The following CNTNAP5 variants were observed in gnomAD, a reference collection of about 807,000 sequenced individuals.
CNTNAP5 encodes the protein contactin associated protein family member 5.
In CNTNAP5, 72 loss-of-function variants were observed where a neutral mutation model predicts 150.2. That is an observed-to-expected ratio of 0.48 (90% CI 0.40 to 0.58). The LOEUF (loss-of-function observed/expected upper bound fraction) is 0.58. Among genes scored for constraint, CNTNAP5 ranks in the 20% least tolerant of loss-of-function variants. The pLI, the probability that CNTNAP5 is intolerant of heterozygous loss-of-function variation, is 0.00. For missense variants in CNTNAP5, 1,636 were observed against 1,626.2 expected, an observed-to-expected ratio of 1.01 and a Z score of -0.10; for synonymous variants, 672 against 619.8, an observed-to-expected ratio of 1.08 and a Z score of -1.25.
chr2:124,724,463 C>A (rs1680114870), intron 13 of CNTNAP5, among the ~76,000 whole-genome samples: 1 of 152,034 alleles, frequency 6.6e-6, no homozygotes, highest in African/African-American at 2.4e-5. Flanking sequence ...CAAGTCAGCC[C>A]ATAGAAGATA....
intron 1 of CNTNAP5, among the ~76,000 whole-genome samples, chr2:124,034,865 G>A (rs1225010785): frequency 6.6e-6 from 1 of 152,164 alleles, no homozygotes; most frequent in Non-Finnish European, 1.5e-5. Context: ...TTACCCTCCT[G>A]TGTACTACTG....
chr2:124,876,657 A>G (rs1050820749), intron 21 of CNTNAP5, among the ~76,000 whole-genome samples: 1 of 152,014 alleles, frequency 6.6e-6, no homozygotes, highest in Admixed American at 6.6e-5. Flanking sequence ...TGACTCCTCT[A>G]AAAGATTATT....
chr2:124,264,263 C>A (rs1257046901), intron 3 of CNTNAP5, among the ~76,000 whole-genome samples: 1 of 151,936 alleles, frequency 6.6e-6, no homozygotes, highest in Non-Finnish European at 1.5e-5. Flanking sequence ...TTATAAGTAA[C>A]AAGAACAAAT....
At chr2:124,629,595 C>T (rs982886295) in intron 12 of CNTNAP5, among the ~76,000 whole-genome samples, 1 of 152,018 alleles carries the variant, frequency 6.6e-6, no homozygotes, top group African/African-American at 2.4e-5. Flanking sequence ...ATTAAATGCT[C>T]ACATCGGAAA....
intron 12 of CNTNAP5, among the ~76,000 whole-genome samples, chr2:124,612,287 G>A (rs182898667): frequency 8.5e-5 from 13 of 152,120 alleles, no homozygotes; most frequent in Non-Finnish European, 1.5e-4. Context: ...CTATGAATGT[G>A]TATGTTATAT....
intron 13 of CNTNAP5, among the ~76,000 whole-genome samples, chr2:124,706,632 A>G (rs1488802130): frequency 6.6e-6 from 1 of 151,760 alleles, no homozygotes; most frequent in East Asian, 1.9e-4. Flanking sequence ...CTGTAGTCCC[A>G]GCTACTCAGG....
In CNTNAP5 at chr2:124,374,955, T is replaced by C. The variant is rs183869511; in HGVS notation, c.382-42488T>C. Among the ~76,000 whole-genome samples the C allele has an allele frequency of 3.4e-4, 52 of 152,230 alleles. 1 individual carries two copies. The highest frequency in any genetic ancestry group is 2.9e-3 in the Admixed American group (45 of 15,266). ...TGAGAGAGAGAAAATAAATCATGGC[T>C]ATATCAAATTATAACTCATAAATTA... On this transcript the variant is annotated intron_variant, in intron 3 of 23. Coordinates refer to ENST00000682447, the MANE Select transcript of CNTNAP5 (RefSeq NM_001367498.1).
chr2:124,379,115 T>C (rs1282994920), intron 3 of CNTNAP5, among the ~76,000 whole-genome samples: 2 of 151,858 alleles, frequency 1.3e-5, no homozygotes, highest in Non-Finnish European at 2.9e-5. Flanking sequence ...TCTACCAGAC[T>C]GAGGTACCTT....
chr2:124,704,375 G>T (rs1679589787), intron 13 of CNTNAP5, among the ~76,000 whole-genome samples: 1 of 152,068 alleles, frequency 6.6e-6, no homozygotes, highest in South Asian at 2.1e-4. Context: ...TTTTAAAAGA[G>T]ATTAAACAAA....
chr2:124,559,589 A>G (rs147495578), intron 10 of CNTNAP5, among the ~76,000 whole-genome samples: 247 of 152,310 alleles, frequency 1.6e-3, no homozygotes, highest in Non-Finnish European at 3.0e-3. Flanking sequence ...TTGGATTAAG[A>G]GCCTTACACC....
chr2:124,367,608 T>G (rs1449121223), intron 3 of CNTNAP5, among the ~76,000 whole-genome samples: 2 of 152,186 alleles, frequency 1.3e-5, no homozygotes, highest in Non-Finnish European at 2.9e-5. Flanking sequence ...CTACCTCCAG[T>G]GTGACACCAT....
At chr2:124,423,778 C>A (rs902093379) in intron 4 of CNTNAP5, among the ~76,000 whole-genome samples, 1 of 142,824 alleles carries the variant, frequency 7.0e-6, no homozygotes, top group Non-Finnish European at 1.5e-5. Flanking sequence ...CATTCTCCTG[C>A]CTCAGCCTCC....
At chr2:124,085,746 T>C (rs1279010232) in intron 1 of CNTNAP5, among the ~76,000 whole-genome samples, 1 of 152,226 alleles carries the variant, frequency 6.6e-6, no homozygotes, top group Admixed American at 6.5e-5. Context: ...CACCTGAGCC[T>C]TCATGTTTGA....
rs1381736009 is a variant in CNTNAP5 at position 124,345,594 on chromosome 2, T to C, written c.382-71849T>C. Among the ~76,000 whole-genome samples the C allele has an allele frequency of 3.9e-5, 6 of 152,216 alleles. 1 individual carries two copies. In the South Asian group the frequency reaches 1.2e-3, roughly 32 times the overall value. ...TGTGGGTGGGTTAAAGAGGTAGATATAACTCTTTCATATGTCTGTCTTTAT... is the reference window on the plus strand; with the variant it reads ...TGTGGGTGGGTTAAAGAGGTAGATACAACTCTTTCATATGTCTGTCTTTAT... On this transcript the variant is annotated intron_variant, in intron 3 of 23. Coordinates refer to ENST00000682447, the MANE Select transcript of CNTNAP5 (RefSeq NM_001367498.1).
chr2:124,286,862 C>G (rs1380844559), intron 3 of CNTNAP5, among the ~76,000 whole-genome samples: 1 of 152,202 alleles, frequency 6.6e-6, no homozygotes, highest in Non-Finnish European at 1.5e-5. Flanking sequence ...TCAACTAAAA[C>G]TCTCTGTTAG....
At position 124,446,751 on chromosome 2, in the gene CNTNAP5, A is replaced by G; in HGVS notation, c.734-2A>G. The G allele has an allele frequency of 6.2e-7, 1 of 1,612,432 alleles. No individual in the cohort carries two copies. The highest frequency in any genetic ancestry group is 8.5e-7 in the Non-Finnish European group (1 of 1,179,120). On this transcript the variant is annotated splice_acceptor_variant, in intron 5 of 23. Transcript: ENST00000682447. LOFTEE classifies it high-confidence loss of function. ...CATCTTGCCTCTCTCCCCTCTTCAC[A>G]GGTGACAGCAAAGCGCGGCTCAGCA... is the stretch of plus-strand genomic sequence containing the variant.
intron 7 of CNTNAP5, among the ~76,000 whole-genome samples, chr2:124,484,176 CTT>C (rs1195728003): frequency 6.6e-6 from 1 of 152,208 alleles, no homozygotes; most frequent in Non-Finnish European, 1.5e-5. Flanking sequence ...TCAGGAAAGA[CTT>C]TATGTAAGTG....
At chr2:124,718,838 G>C (rs189561338) in intron 13 of CNTNAP5, among the ~76,000 whole-genome samples, 1 of 151,956 alleles carries the variant, frequency 6.6e-6, no homozygotes, top group Non-Finnish European at 1.5e-5. Context: ...CCAGCTACTC[G>C]GGATGCTGAG....
chr2:124,282,997 T>C (rs1243179967), intron 3 of CNTNAP5, among the ~76,000 whole-genome samples: 2 of 149,250 alleles, frequency 1.3e-5, no homozygotes, highest in Non-Finnish European at 1.5e-5. Context: ...CATTGCTCTT[T>C]TTTTTTTTTT....
Sources: gnomAD v4.1 joint callset for allele counts (sites outside exome capture counted in the v4.1 genomes callset) on GRCh38, gnomAD v4.1.1 for gene constraint, MANE v1.5 for transcripts, NCBI Gene and HGNC (gene_info 2026-07-23, HGNC 2026-07-21) for gene names.